LINGO2: variants seen among roughly 807,000 people sequenced by gnomAD.
The protein encoded by LINGO2 is leucine-rich repeat and immunoglobulin-like domain-containing nogo receptor-interacting protein 2.
LINGO2 carries 14 observed loss-of-function variants against 30.6 expected under a neutral mutation model. That is an observed-to-expected ratio of 0.46 (90% CI 0.30 to 0.72). The LOEUF is 0.72. Among genes scored for constraint, LINGO2 ranks in the 30% least tolerant of loss-of-function variants. The probability of loss-of-function intolerance (pLI) is 0.07; values close to 1 mark genes in which losing one functional copy is unlikely to be tolerated. For synonymous variants in LINGO2, 317 were observed against 288.5 expected, an observed-to-expected ratio of 1.10 and a Z score of -1.00; for missense variants, 729 against 751.7, an observed-to-expected ratio of 0.97 and a Z score of 0.35.
At chr9:28,686,678 T>A in the LINGO2 span, among the ~76,000 whole-genome samples, 2 of 152,088 alleles carry the variant, frequency 1.3e-5, no homozygotes, top group Admixed American at 1.3e-4. Flanking sequence ...TAGTCCTATA[T>A]TTTACCACTT....
At chr9:28,336,746 G>C (rs1026974243) in intron 3 of LINGO2, among the ~76,000 whole-genome samples, 1 of 151,986 alleles carries the variant, frequency 6.6e-6, no homozygotes, top group African/African-American at 2.4e-5. Context: ...TAGAAGCATG[G>C]TTGTGATAAG....
At chr9:28,995,936 G>T in the LINGO2 span, among the ~76,000 whole-genome samples, 1 of 151,726 alleles carries the variant, frequency 6.6e-6, no homozygotes, top group Non-Finnish European at 1.5e-5. Flanking sequence ...GGAGTTAATG[G>T]GTGCAGCACA....
chr9:28,106,926 C>T (rs927243406), intron 4 of LINGO2, among the ~76,000 whole-genome samples: 2 of 152,158 alleles, frequency 1.3e-5, no homozygotes, highest in African/African-American at 2.4e-5. Flanking sequence ...CTCTCATGCT[C>T]ATGTGATTAC....
chr9:28,139,967 T>TA (rs1013471317), intron 4 of LINGO2, among the ~76,000 whole-genome samples: 1 of 152,140 alleles, frequency 6.6e-6, no homozygotes, highest in African/African-American at 2.4e-5. Flanking sequence ...GCCTTTTAAT[T>TA]AAAAAAAGTG....
At chr9:27,978,795 T>C (rs184494679) in intron 5 of LINGO2, among the ~76,000 whole-genome samples, 2 of 151,986 alleles carry the variant, frequency 1.3e-5, no homozygotes, top group East Asian at 3.9e-4. Flanking sequence ...TCTGTAAAAC[T>C]CTCCCCACAC....
At chr9:28,274,042 A>T (rs1271849567) in intron 4 of LINGO2, among the ~76,000 whole-genome samples, 4 of 152,136 alleles carry the variant, frequency 2.6e-5, no homozygotes, top group East Asian at 1.9e-4. Context: ...AGAAGAGAAG[A>T]TGGGGAGAAT....
At chr9:28,303,577 C>T (rs1824229692) in intron 3 of LINGO2, among the ~76,000 whole-genome samples, 1 of 152,116 alleles carries the variant, frequency 6.6e-6, no homozygotes. Context: ...GACTGGAAGC[C>T]TTACTGTAAC....
intron 3 of LINGO2, among the ~76,000 whole-genome samples, chr9:28,304,265 ATG>A (rs1433029088): frequency 6.6e-6 from 1 of 150,448 alleles, no homozygotes; most frequent in African/African-American, 2.4e-5. Flanking sequence ...TATATATAAA[ATG>A]TATAATTCTA....
At chr9:28,711,999 T>C in the LINGO2 span, among the ~76,000 whole-genome samples, 1 of 152,268 alleles carries the variant, frequency 6.6e-6, no homozygotes, top group Non-Finnish European at 1.5e-5. Context: ...GAAGACAGCC[T>C]TTTCATTGGA....
chr9:28,138,198 G>A (rs1348786424), intron 4 of LINGO2, among the ~76,000 whole-genome samples: 1 of 152,158 alleles, frequency 6.6e-6, no homozygotes, highest in Non-Finnish European at 1.5e-5. Context: ...ACTCTGGTCT[G>A]CACTATCAGA....
chr9:28,055,530 G>A (rs999025715), intron 4 of LINGO2, among the ~76,000 whole-genome samples: 1 of 152,142 alleles, frequency 6.6e-6, no homozygotes, highest in African/African-American at 2.4e-5. Context: ...TCTGTGGATT[G>A]GCTGTGACTT....
the LINGO2 span, among the ~76,000 whole-genome samples, chr9:28,970,507 G>C: frequency 5.3e-5 from 8 of 152,146 alleles, no homozygotes; most frequent in Admixed American, 2.0e-4. Flanking sequence ...ATCTCGAATC[G>C]CTAATGCAAC....
chr9:28,763,768 C>T, the LINGO2 span, among the ~76,000 whole-genome samples: 1 of 150,654 alleles, frequency 6.6e-6, no homozygotes, highest in African/African-American at 2.4e-5. Flanking sequence ...ACTGCCAAAC[C>T]CTTAACTAGG....
chr9:27,960,197 A>T (rs951016919), intron 5 of LINGO2, among the ~76,000 whole-genome samples: 12 of 152,106 alleles, frequency 7.9e-5, no homozygotes, highest in South Asian at 2.1e-4. Flanking sequence ...TAAGATTTTT[A>T]AAAAAACAAG....
chr9:29,074,180 C>T, the LINGO2 span, among the ~76,000 whole-genome samples: 1 of 152,054 alleles, frequency 6.6e-6, no homozygotes, highest in Admixed American at 6.6e-5. Context: ...ATAAAACTAG[C>T]AGTCTTAAAA....
chr9:29,052,609 A>G, the LINGO2 span, among the ~76,000 whole-genome samples: 1 of 152,180 alleles, frequency 6.6e-6, no homozygotes, highest in African/African-American at 2.4e-5. Context: ...TTGAAGTAAC[A>G]TATGGTATGT....
chr9:28,488,980 A>G (rs893604973), intron 1 of LINGO2, among the ~76,000 whole-genome samples: 1 of 152,216 alleles, frequency 6.6e-6, no homozygotes, highest in Non-Finnish European at 1.5e-5. Flanking sequence ...ATGTTTTGAA[A>G]TAAATTATTT....
the LINGO2 span, among the ~76,000 whole-genome samples, chr9:29,197,577 T>C: frequency 6.6e-6 from 1 of 152,058 alleles, no homozygotes; most frequent in South Asian, 2.1e-4. Context: ...ACTAAAGCAA[T>C]TAAGTGTTTC....
At position 28,619,830 on chromosome 9, in the gene LINGO2, TA is replaced by T. The variant is rs1427520561; in HGVS notation, c.-365+50369del. On this transcript the variant is annotated intron_variant, in intron 1 of 5. Transcript: ENST00000379992. ...AAAATTAATAAGTAGTGACAGCTTATAGGGGTGAAGTAATCATTTTTAAAAA... is the reference window on the plus strand; with the variant it reads ...AAAATTAATAAGTAGTGACAGCTTATGGGGTGAAGTAATCATTTTTAAAAA... 6.6e-5 allele frequency among the ~76,000 whole-genome samples: 10 copies of T among 152,246 alleles called. No homozygotes were observed. The South Asian group carries it at 1.7e-3, about 25-fold the overall frequency.
Sources: allele counts gnomAD v4.1 joint callset (sites outside exome capture counted in the v4.1 genomes callset), GRCh38; gene constraint gnomAD v4.1.1; transcripts MANE v1.5; gene names NCBI Gene and HGNC (gene_info 2026-07-23, HGNC 2026-07-21).